The following ANKRD13C variants were observed in gnomAD, a reference collection of about 807,000 sequenced individuals.
ANKRD13C encodes ankyrin repeat domain-containing protein 13C.
A neutral mutation model predicts 65.5 loss-of-function variants in ANKRD13C; 16 were observed. The observed-to-expected ratio is 0.24, with a 90% CI of 0.17 to 0.37. The LOEUF (loss-of-function observed/expected upper bound fraction) is 0.37, where lower values mean the gene tolerates loss of function less well. Ranked by LOEUF, ANKRD13C falls within the 10% of genes least tolerant of loss-of-function variation. The probability of loss-of-function intolerance (pLI) is 1.00; values close to 1 mark genes in which losing one functional copy is unlikely to be tolerated. For synonymous variants in ANKRD13C, 235 were observed against 238.7 expected (o/e 0.98, Z 0.14); for missense variants, 503 against 655.9 (o/e 0.77, Z 2.55).
intron 1 of ANKRD13C, among the ~76,000 whole-genome samples, chr1:70,349,075 T>A (rs1470499397): frequency 6.6e-6 from 1 of 152,106 alleles, no homozygotes; most frequent in East Asian, 1.9e-4. Context: ...GTCTAACCAA[T>A]CAGAAGTACA....
At chr1:70,303,638 C>G (rs1399490956) in intron 6 of ANKRD13C, among the ~76,000 whole-genome samples, 1 of 152,030 alleles carries the variant, frequency 6.6e-6, no homozygotes, top group African/African-American at 2.4e-5. Context: ...TCTTTGATAC[C>G]AGAGAAGACA....
At chr1:70,330,733 T>A (rs1337562734) in intron 2 of ANKRD13C, among the ~76,000 whole-genome samples, 1 of 152,012 alleles carries the variant, frequency 6.6e-6, no homozygotes, top group African/African-American at 2.4e-5. Flanking sequence ...AAAGTTACTT[T>A]AAGAAAAAAT....
chr1:70,293,630 A>G (rs1679953812), intron 8 of ANKRD13C: 2 of 862,448 alleles, frequency 2.3e-6, no homozygotes, highest in East Asian at 1.2e-4. Flanking sequence ...GCTGCCCAGA[A>G]GAACAAAGTA....
chr1:70,278,538 CA>C (rs2101158024), intron 9 of ANKRD13C, among the ~76,000 whole-genome samples: 1 of 151,966 alleles, frequency 6.6e-6, no homozygotes, highest in African/African-American at 2.4e-5. Context: ...CAAAACAAAA[CA>C]AAAACCTCAT....
At chr1:70,293,580 A>G (rs1361098531) in intron 8 of ANKRD13C, 7 of 984,920 alleles carry the variant, frequency 7.1e-6, no homozygotes, top group Non-Finnish European at 7.2e-6. Flanking sequence ...GATGATTAGC[A>G]GTTTCAATTT....
intron 11 of ANKRD13C, among the ~76,000 whole-genome samples, chr1:70,271,341 A>C (rs61785283): frequency 0.079 from 12,102 of 152,248 alleles, 558 homozygotes; most frequent in South Asian, 0.22. Flanking sequence ...AACTTGACTC[A>C]CATAAAATTT....
Position 70,354,448 on chromosome 1 carries a change from C to A in ANKRD13C, c.-40G>T. 6.3e-7 allele frequency: 1 copy of A among 1,577,160 alleles called. No individual in the cohort carries two copies. The highest frequency in any genetic ancestry group is 1.2e-5 in the South Asian group (1 of 85,816). On this transcript the variant is annotated 5_prime_UTR_variant, in exon 1 of 13. Transcript: ENST00000370944. ...GCAAGGGGGGGAATCGGGAGGCTCA[C>A]CGCTGGCGACGGAGCTGGCGCTGCG... is the stretch of plus-strand genomic sequence containing the variant.
chr1:70,300,195 G>A (rs1680285271), intron 7 of ANKRD13C, among the ~76,000 whole-genome samples: 1 of 152,204 alleles, frequency 6.6e-6, no homozygotes, highest in Non-Finnish European at 1.5e-5. Flanking sequence ...AAATGAGAAT[G>A]AAGAGAAGTT....
At chr1:70,332,247 C>T (rs530309243) in intron 2 of ANKRD13C, among the ~76,000 whole-genome samples, 14 of 152,168 alleles carry the variant, frequency 9.2e-5, no homozygotes, top group Non-Finnish European at 1.5e-4. Context: ...ACACATGCCC[C>T]AACTTGAAAC....
At chr1:70,293,167 TG>T (rs1271016349) in intron 8 of ANKRD13C, among the ~76,000 whole-genome samples, 1 of 152,118 alleles carries the variant, frequency 6.6e-6, no homozygotes, top group Non-Finnish European at 1.5e-5. Flanking sequence ...ACTCAAGTGG[TG>T]TAAAGGACAT....
intron 3 of ANKRD13C, among the ~76,000 whole-genome samples, chr1:70,320,441 C>A (rs1259280047): frequency 6.6e-6 from 1 of 151,904 alleles, no homozygotes; most frequent in Non-Finnish European, 1.5e-5. Flanking sequence ...TCAAGTGGAT[C>A]CTCCCATCTC....
At chr1:70,269,019 C>A (rs558273700) in intron 12 of ANKRD13C, among the ~76,000 whole-genome samples, 2 of 150,956 alleles carry the variant, frequency 1.3e-5, no homozygotes, top group South Asian at 4.2e-4. Flanking sequence ...AGGTATATCT[C>A]CCAATGCTAT....
Position 70,324,063 on chromosome 1 carries a change from C to T in ANKRD13C, c.577+790G>A, listed in dbSNP as rs143982399. ...AGAAAGCACCCAGAAGAGCCCAAAA[C>T]GTAGCATCAAAATAAGACTGAATCT... is the stretch of plus-strand genomic sequence containing the variant. On this transcript the variant is annotated intron_variant, in intron 3 of 12. Transcript: ENST00000370944. 9.4e-3 allele frequency among the ~76,000 whole-genome samples: 1,436 copies of T among 152,194 alleles called. 10 individuals carry two copies. The highest frequency in any genetic ancestry group is 0.015 in the Admixed American group (235 of 15,278).
Position 70,325,492 on chromosome 1 carries a change from TACA to T in ANKRD13C, c.473-538_473-536del, listed in dbSNP as rs200957771. On this transcript the variant is annotated intron_variant, in intron 2 of 12. Coordinates refer to ENST00000370944, the MANE Select transcript of ANKRD13C (RefSeq NM_030816.5). ...AAAAAGGGCAAAACTCGGCTTATGATACAACGACAAATCTAGATAGTTTTTCAA... is the reference window on the plus strand; with the variant it reads ...AAAAAGGGCAAAACTCGGCTTATGATACGACAAATCTAGATAGTTTTTCAA... Among the ~76,000 whole-genome samples the T allele has an allele frequency of 2.0e-3, 310 of 152,356 alleles. 3 individuals carry two copies. The highest frequency in any genetic ancestry group is 0.02 in the East Asian group (105 of 5,192).
At chr1:70,281,817 C>T (rs867166326) in intron 9 of ANKRD13C, among the ~76,000 whole-genome samples, 7 of 151,282 alleles carry the variant, frequency 4.6e-5, no homozygotes, top group East Asian at 2.1e-4. Context: ...GAGGCCAAGG[C>T]GGGCAGATCA....
chr1:70,287,399 A>G (rs1053239584), intron 9 of ANKRD13C, among the ~76,000 whole-genome samples: 12 of 151,570 alleles, frequency 7.9e-5, no homozygotes, highest in African/African-American at 2.4e-4. Flanking sequence ...AAAAAAAAAT[A>G]AATAAACCTT....
At chr1:70,301,220 T>C (rs1033109381) in intron 6 of ANKRD13C, among the ~76,000 whole-genome samples, 6 of 147,470 alleles carry the variant, frequency 4.1e-5, no homozygotes, top group African/African-American at 1.3e-4. Context: ...CATATATATA[T>C]ACACACACAT....
chr1:70,294,750 C>CA (rs1371583119), intron 8 of ANKRD13C, among the ~76,000 whole-genome samples: 1 of 151,950 alleles, frequency 6.6e-6, no homozygotes, highest in Admixed American at 6.6e-5. Flanking sequence ...CTCATCCTTC[C>CA]AAGCACCTGC....
intron 5 of ANKRD13C, among the ~76,000 whole-genome samples, chr1:70,309,218 G>A (rs913196261): frequency 2.0e-5 from 3 of 151,056 alleles, no homozygotes; most frequent in East Asian, 2.0e-4. Context: ...GATTACAGGC[G>A]CCCCCCTACC....
Sources: gnomAD v4.1 joint callset for allele counts (sites outside exome capture counted in the v4.1 genomes callset) on GRCh38, gnomAD v4.1.1 for gene constraint, MANE v1.5 for transcripts, NCBI Gene and HGNC (gene_info 2026-07-23, HGNC 2026-07-21) for gene names.